FGF10: variants seen among roughly 807,000 people sequenced by gnomAD.
The protein encoded by FGF10 is fibroblast growth factor 10.
In FGF10, 2 loss-of-function variants were observed where a neutral mutation model predicts 19.8. The ratio of observed to expected loss-of-function variants is 0.10; its 90% confidence interval spans 0.04 to 0.32. FGF10 has a LOEUF of 0.32. FGF10 is among the 10% of genes least tolerant of loss of function. The probability of loss-of-function intolerance (pLI) is 1.00; values close to 1 mark genes in which losing one functional copy is unlikely to be tolerated. For missense variants in FGF10, 191 were observed against 246.3 expected (o/e 0.78, Z 1.50); for synonymous variants, 112 against 94.0 (o/e 1.19, Z -1.10).
chr5:44,368,399 G>A (rs1005999639), intron 1 of FGF10, among the ~76,000 whole-genome samples: 5 of 152,084 alleles, frequency 3.3e-5, no homozygotes, highest in South Asian at 2.1e-4. Flanking sequence ...ACATAGCACC[G>A]CATATAACAA....
intron 1 of FGF10, among the ~76,000 whole-genome samples, chr5:44,341,601 A>G (rs543403770): frequency 6.6e-6 from 1 of 152,096 alleles, no homozygotes; most frequent in South Asian, 2.1e-4. Flanking sequence ...TAATAGACCA[A>G]CTTACTGTAA....
chr5:44,316,811 T>G (rs544168381), intron 1 of FGF10, among the ~76,000 whole-genome samples: 5 of 152,356 alleles, frequency 3.3e-5, no homozygotes, highest in African/African-American at 1.2e-4. Context: ...TATACTGCAT[T>G]GTTGTTGATA....
chr5:44,381,190 T>C (rs1472956299), intron 1 of FGF10, among the ~76,000 whole-genome samples: 3 of 152,098 alleles, frequency 2.0e-5, no homozygotes, highest in Non-Finnish European at 4.4e-5. Context: ...TCCACTTCAC[T>C]TACAGCAGAG....
intron 1 of FGF10, among the ~76,000 whole-genome samples, chr5:44,337,849 G>A (rs1435158590): frequency 6.6e-6 from 1 of 152,158 alleles, no homozygotes; most frequent in Non-Finnish European, 1.5e-5. Context: ...GCTGACGCAG[G>A]AGAATCACTT....
chr5:44,384,379 A>C (rs1742052656), intron 1 of FGF10, among the ~76,000 whole-genome samples: 1 of 152,148 alleles, frequency 6.6e-6, no homozygotes, highest in African/African-American at 2.4e-5. Context: ...ACCTTGTCTG[A>C]TATCATGTGG....
rs17227857 is a variant in FGF10 at position 44,335,885 on chromosome 5, G to C, written c.326-25355C>G. On this transcript the variant is annotated intron_variant, in intron 1 of 2. Transcript: ENST00000264664. ...TATTTAAAATATCAGAATATAATTG[G>C]TAAATATTAATAACAGTAATAACTT... 1.8e-3 allele frequency among the ~76,000 whole-genome samples: 275 copies of C among 152,014 alleles called. 1 individual carries two copies. The highest frequency in any genetic ancestry group is 6.4e-3 in the African/African-American group (265 of 41,484).
intron 1 of FGF10, among the ~76,000 whole-genome samples, chr5:44,358,027 G>A (rs755132995): frequency 6.6e-6 from 1 of 151,390 alleles, no homozygotes; most frequent in Non-Finnish European, 1.5e-5. Context: ...CAGGAGTCTT[G>A]AGGGGGGCAA....
intron 1 of FGF10, among the ~76,000 whole-genome samples, chr5:44,348,044 G>C (rs958333677): frequency 6.6e-6 from 1 of 151,682 alleles, no homozygotes; most frequent in African/African-American, 2.4e-5. Flanking sequence ...AATGTAAATA[G>C]AATGTGTCTG....
chr5:44,368,498 AT>A, intron 1 of FGF10, among the ~76,000 whole-genome samples: 1 of 152,112 alleles, frequency 6.6e-6, no homozygotes, highest in African/African-American at 2.4e-5. Flanking sequence ...TACAATAATC[AT>A]CTCAGACTAA....
rs1739995569 is a variant in FGF10, at chr5:44,302,907, A to G, written c.*2088T>C. Among the ~76,000 whole-genome samples the G allele has an allele frequency of 6.6e-6, 1 of 152,076 alleles. No individual in the cohort carries two copies. Among genetic ancestry groups the G allele is most frequent in the African/African-American group, 2.4e-5 (1 of 41,414 alleles). ...GTGTATTTGTCTTACCAAACATTTAATTTTGGTTGTGGGTGGTCTATGTTT... is the reference window on the plus strand; with the variant it reads ...GTGTATTTGTCTTACCAAACATTTAGTTTTGGTTGTGGGTGGTCTATGTTT... On this transcript the variant is annotated 3_prime_UTR_variant, in exon 3 of 3. Coordinates refer to ENST00000264664, the MANE Select transcript of FGF10 (RefSeq NM_004465.2).
At chr5:44,365,806 T>C (rs921016012) in intron 1 of FGF10, among the ~76,000 whole-genome samples, 1 of 151,982 alleles carries the variant, frequency 6.6e-6, no homozygotes. Flanking sequence ...AATACAAATA[T>C]AGTTAGCCAC....
At chr5:44,315,557 G>T (rs1740322365) in intron 1 of FGF10, among the ~76,000 whole-genome samples, 1 of 152,124 alleles carries the variant, frequency 6.6e-6, no homozygotes, top group Non-Finnish European at 1.5e-5. Flanking sequence ...GTGAAACGTG[G>T]AAAGTCTCAT....
rs1740020647 is a variant in FGF10, at chr5:44,304,062, A to G, written c.*933T>C. 6.6e-6 allele frequency: 1 copy of G among 152,152 alleles called. No individual in the cohort carries two copies. The highest frequency in any genetic ancestry group is 2.4e-5 in the African/African-American group (1 of 41,430). The allele number at this position is 152,152 out of a possible 1,614,324, so 9.4% of individuals were successfully genotyped here. On this transcript the variant is annotated 3_prime_UTR_variant, in exon 3 of 3. Transcript: ENST00000264664. Reference sequence around the variant, plus strand: ...CTATTTCTTGAGACAGGAAGCCTCGAGAGTAATATATGTTTTCAAATGATA... The same window carrying G: ...CTATTTCTTGAGACAGGAAGCCTCGGGAGTAATATATGTTTTCAAATGATA...
intron 1 of FGF10, among the ~76,000 whole-genome samples, chr5:44,345,092 C>G (rs955166795): frequency 6.6e-6 from 1 of 151,838 alleles, no homozygotes; most frequent in African/African-American, 2.4e-5. Context: ...TTTTTAGTGA[C>G]AAAATAATAA....
intron 1 of FGF10, among the ~76,000 whole-genome samples, chr5:44,333,904 G>A (rs1455716372): frequency 2.0e-5 from 3 of 151,976 alleles, no homozygotes; most frequent in Non-Finnish European, 4.4e-5. Context: ...AGGGAAAGCA[G>A]AACCTGAGAC....
intron 1 of FGF10, among the ~76,000 whole-genome samples, chr5:44,332,474 A>G (rs570221713): frequency 6.6e-6 from 1 of 152,188 alleles, no homozygotes; most frequent in East Asian, 1.9e-4. Context: ...GGAACCAAGC[A>G]TACTATCCAT....
At chr5:44,341,630 GATTTAACACCCATT>G in intron 1 of FGF10, among the ~76,000 whole-genome samples, 1 of 152,040 alleles carries the variant, frequency 6.6e-6, no homozygotes, top group Admixed American at 6.6e-5. Flanking sequence ...TCTTGGAGGA[GATTTAACACCCATT>G]ATCTGAAGAC....
chr5:44,317,275 T>A (rs896640342), intron 1 of FGF10, among the ~76,000 whole-genome samples: 14 of 152,178 alleles, frequency 9.2e-5, no homozygotes, highest in Non-Finnish European at 1.8e-4. Flanking sequence ...AGATCTGAAT[T>A]TGCAGAAAAT....
At chr5:44,307,762 T>A (rs1740116490) in intron 2 of FGF10, among the ~76,000 whole-genome samples, 1 of 152,376 alleles carries the variant, frequency 6.6e-6, no homozygotes, top group Middle Eastern at 3.4e-3. Flanking sequence ...ATGTTAGTTC[T>A]ATTCCACTCT....
Sources: gnomAD v4.1 joint callset for allele counts (sites outside exome capture counted in the v4.1 genomes callset) on GRCh38, gnomAD v4.1.1 for gene constraint, MANE v1.5 for transcripts, NCBI Gene and HGNC (gene_info 2026-07-23, HGNC 2026-07-21) for gene names.